KIAA1958: variants seen among roughly 807,000 people sequenced by gnomAD.
KIAA1958 encodes the protein KIAA1958.
In KIAA1958, 14 loss-of-function variants were observed where a neutral mutation model predicts 47.2. That is an observed-to-expected ratio of 0.30 (90% CI 0.20 to 0.46). The LOEUF (loss-of-function observed/expected upper bound fraction) is 0.46. Ranked by LOEUF, KIAA1958 falls within the 20% of genes least tolerant of loss-of-function variation. KIAA1958 has a pLI of 1.00. For missense variants in KIAA1958, 803 were observed against 909.2 expected, an observed-to-expected ratio of 0.88 and a Z score of 1.50; for synonymous variants, 354 against 353.3, an observed-to-expected ratio of 1.00 and a Z score of -0.02.
chr9:112,579,033 T>TA (rs1346513716), intron 2 of KIAA1958, among the ~76,000 whole-genome samples: 10 of 151,944 alleles, frequency 6.6e-5, no homozygotes, highest in Non-Finnish European at 7.4e-5. Context: ...TTTTTTCTTT[T>TA]AAAAAAATTT....
intron 1 of KIAA1958, among the ~76,000 whole-genome samples, chr9:112,521,397 A>G (rs1466483796): frequency 6.6e-6 from 1 of 152,102 alleles, no homozygotes; most frequent in African/African-American, 2.4e-5. Flanking sequence ...AATTTTTTGT[A>G]GAGACAGGTT....
chr9:112,602,093 GA>G (rs1299941477), intron 2 of KIAA1958, among the ~76,000 whole-genome samples: 1 of 152,128 alleles, frequency 6.6e-6, no homozygotes, highest in African/African-American at 2.4e-5. Flanking sequence ...AGTTCTAGGA[GA>G]AAACATAATA....
Position 112,662,954 on chromosome 9 carries a change from A to G in KIAA1958, c.*2885A>G, listed in dbSNP as rs567720920. The G allele has an allele frequency of 4.6e-5, 7 of 152,282 alleles. No homozygotes were observed. The highest frequency in any genetic ancestry group is 1.7e-4 in the African/African-American group (7 of 41,554). The allele number at this position is 152,282 out of a possible 1,614,324, so 9.4% of individuals were successfully genotyped here. A position where few individuals can be genotyped will look rare whatever the true frequency, so the allele number is the denominator to read the frequency against. On this transcript the variant is annotated 3_prime_UTR_variant, in exon 4 of 4. Transcript: ENST00000337530. ...AACCTTACCTTCTGGGGACTCCAGG[A>G]TTTTCTGCTCTTGGCCTAATGCAAG...
intron 1 of KIAA1958, among the ~76,000 whole-genome samples, chr9:112,500,466 T>A (rs1244249768): frequency 6.6e-6 from 1 of 151,938 alleles, no homozygotes; most frequent in Non-Finnish European, 1.5e-5. Flanking sequence ...TTTTTTTTTT[T>A]TTTTTTAGAG....
At chr9:112,602,282 G>A (rs1836147576) in intron 2 of KIAA1958, among the ~76,000 whole-genome samples, 1 of 152,130 alleles carries the variant, frequency 6.6e-6, no homozygotes, top group Non-Finnish European at 1.5e-5. Flanking sequence ...TTTCAAAAAT[G>A]AAACACGAAT....
intron 2 of KIAA1958, among the ~76,000 whole-genome samples, chr9:112,579,941 T>C (rs1270400276): frequency 6.6e-6 from 1 of 152,198 alleles, no homozygotes; most frequent in Admixed American, 6.5e-5. Context: ...CAGCATCAAG[T>C]TTCCCTCTTG....
chr9:112,523,139 TTTGAG>T (rs2132798663), intron 1 of KIAA1958, among the ~76,000 whole-genome samples: 2 of 152,302 alleles, frequency 1.3e-5, no homozygotes, highest in South Asian at 4.1e-4. Flanking sequence ...TGATTCCTTA[TTTGAG>T]AAGTGGTATT....
intron 1 of KIAA1958, among the ~76,000 whole-genome samples, chr9:112,568,193 G>A (rs1375728374): frequency 1.3e-5 from 2 of 152,122 alleles, no homozygotes; most frequent in South Asian, 2.1e-4. Flanking sequence ...ACAGTTATGA[G>A]CAGATGAACC....
At chr9:112,517,781 T>G (rs974912551) in intron 1 of KIAA1958, among the ~76,000 whole-genome samples, 5 of 152,146 alleles carry the variant, frequency 3.3e-5, no homozygotes, top group Admixed American at 3.3e-4. Context: ...GGCAAAAGAT[T>G]TGAACAGACC....
intron 1 of KIAA1958, among the ~76,000 whole-genome samples, chr9:112,495,869 C>T (rs971287385): frequency 3.3e-5 from 5 of 152,174 alleles, no homozygotes; most frequent in African/African-American, 1.2e-4. Flanking sequence ...GCTTGATAAG[C>T]GCTTACATAC....
intron 2 of KIAA1958, among the ~76,000 whole-genome samples, chr9:112,634,009 A>G (rs1436896341): frequency 1.4e-5 from 2 of 146,472 alleles, no homozygotes; most frequent in African/African-American, 2.8e-5. Context: ...TTACTGAGTC[A>G]TAGAATTGGT....
intron 1 of KIAA1958, among the ~76,000 whole-genome samples, chr9:112,511,078 CTGCT>C (rs1274603005): frequency 4.6e-5 from 7 of 152,086 alleles, no homozygotes; most frequent in African/African-American, 1.4e-4. Flanking sequence ...AAATTATCTG[CTGCT>C]TGCTTCTGTT....
chr9:112,606,183 G>A (rs1265925781), intron 2 of KIAA1958, among the ~76,000 whole-genome samples: 1 of 152,160 alleles, frequency 6.6e-6, no homozygotes, highest in African/African-American at 2.4e-5. Context: ...CAGCACCTGG[G>A]TAGGTGGTGG....
At chr9:112,537,472 C>A (rs1834876023) in intron 1 of KIAA1958, among the ~76,000 whole-genome samples, 3 of 152,142 alleles carry the variant, frequency 2.0e-5, no homozygotes, top group African/African-American at 7.2e-5. Context: ...TTCTATAAAT[C>A]AGTAAGGCTA....
At chr9:112,524,959 A>G (rs1834614682) in intron 1 of KIAA1958, among the ~76,000 whole-genome samples, 1 of 152,352 alleles carries the variant, frequency 6.6e-6, no homozygotes. Context: ...GGAATATTCT[A>G]TACTTCTGCT....
Position 112,659,349 on chromosome 9 carries a change from G to A in KIAA1958, c.1431G>A (p.Ser477=), listed in dbSNP as rs1313447603. The A allele has an allele frequency of 5.0e-6, 8 of 1,613,900 alleles. No individual in the cohort carries two copies. Among genetic ancestry groups the A allele is most frequent in the African/African-American group, 2.7e-5 (2 of 74,880 alleles). The change falls in exon 4 of 4, where the codon TCG becomes TCA. Residue 477 remains serine, a synonymous_variant. Transcript: ENST00000337530. ...ACGGCTCGGACTTCCTGGCCACCTC[G>A]CTCCATGCTATTCGCCGAGGCCTGG... is the stretch of plus-strand genomic sequence containing the variant. The part of the protein sequence containing the change: ...KSDGSDFLAT[S]LHAIRRGLDR...
chr9:112,523,919 A>G (rs7031091), intron 1 of KIAA1958, among the ~76,000 whole-genome samples: 43,838 of 152,058 alleles, frequency 0.29, 6,468 homozygotes, highest in Middle Eastern at 0.4. Flanking sequence ...CCACCTCCAC[A>G]TATACAAAAG....
intron 2 of KIAA1958, among the ~76,000 whole-genome samples, chr9:112,635,234 G>A (rs1014985188): frequency 6.8e-6 from 1 of 147,448 alleles, no homozygotes; most frequent in African/African-American, 2.6e-5. Context: ...GTGTGTGTGT[G>A]TGTGTGTGTG....
chr9:112,544,875 A>T (rs986717219), intron 1 of KIAA1958, among the ~76,000 whole-genome samples: 8 of 152,208 alleles, frequency 5.3e-5, no homozygotes, highest in African/African-American at 1.9e-4. Context: ...TAGGAAAAGA[A>T]ATTTTCCCCA....
Sources: gnomAD v4.1 joint callset for allele counts (sites outside exome capture counted in the v4.1 genomes callset) on GRCh38, gnomAD v4.1.1 for gene constraint, MANE v1.5 for transcripts, NCBI Gene and HGNC (gene_info 2026-07-23, HGNC 2026-07-21) for gene names.